Variants in WDR70 observed in about 807,000 individuals in gnomAD.
WDR70 encodes the protein WD repeat-containing protein 70.
Under a neutral mutation model 88.6 loss-of-function variants are expected in WDR70, and 53 were observed. That is an observed-to-expected ratio of 0.60 (90% confidence interval 0.48 to 0.75). The LOEUF is 0.75. WDR70 is among the 30% of genes least tolerant of loss of function. The pLI is 0.00. For missense variants in WDR70, 610 were observed against 823.2 expected, an observed-to-expected ratio of 0.74 and a Z score of 3.17; for synonymous variants, 280 against 270.0, an observed-to-expected ratio of 1.04 and a Z score of -0.36.
At chr5:37,448,357 G>A (rs548207770) in intron 7 of WDR70, among the ~76,000 whole-genome samples, 14 of 152,160 alleles carry the variant, frequency 9.2e-5, no homozygotes, top group African/African-American at 2.2e-4. Flanking sequence ...CGAGTAGCCC[G>A]TCTTTCTTTT....
intron 9 of WDR70, among the ~76,000 whole-genome samples, chr5:37,536,716 A>G (rs1445349753): frequency 6.6e-6 from 1 of 151,956 alleles, no homozygotes; most frequent in Non-Finnish European, 1.5e-5. Flanking sequence ...TTATTAATAT[A>G]TTTTCTGATG....
intron 13 of WDR70, among the ~76,000 whole-genome samples, chr5:37,715,738 C>G (rs1747635296): frequency 6.6e-6 from 1 of 152,130 alleles, no homozygotes; most frequent in South Asian, 2.1e-4. Flanking sequence ...TTCCCTGGCC[C>G]AATATTTTAA....
chr5:37,462,669 C>A (rs990696414), intron 7 of WDR70, among the ~76,000 whole-genome samples: 1 of 151,958 alleles, frequency 6.6e-6, no homozygotes, highest in Non-Finnish European at 1.5e-5. Context: ...TAAACATATA[C>A]TAACTTGTAG....
At chr5:37,502,426 G>A (rs1210161256) in intron 8 of WDR70, among the ~76,000 whole-genome samples, 10 of 151,966 alleles carry the variant, frequency 6.6e-5, no homozygotes, top group South Asian at 2.1e-4. Context: ...TGGATTTGTC[G>A]TATATGGCTT....
intron 10 of WDR70, among the ~76,000 whole-genome samples, chr5:37,654,630 T>C (rs528921863): frequency 6.6e-6 from 1 of 152,314 alleles, no homozygotes; most frequent in South Asian, 2.1e-4. Flanking sequence ...GGTGCTCCTG[T>C]ATTGGGCACA....
At chr5:37,380,857 C>T (rs1748404442) in intron 2 of WDR70, among the ~76,000 whole-genome samples, 1 of 152,104 alleles carries the variant, frequency 6.6e-6, no homozygotes, top group African/African-American at 2.4e-5. Context: ...CCATGTTGCC[C>T]AGGCTGATCA....
intron 10 of WDR70, among the ~76,000 whole-genome samples, chr5:37,627,351 C>T (rs766444640): frequency 1.3e-4 from 20 of 152,144 alleles, no homozygotes; most frequent in Non-Finnish European, 1.8e-4. Flanking sequence ...TCAAATGATC[C>T]TCCAACCTTG....
At chr5:37,603,825 A>G (rs1409462197) in intron 9 of WDR70, among the ~76,000 whole-genome samples, 3 of 152,206 alleles carry the variant, frequency 2.0e-5, no homozygotes, top group Non-Finnish European at 4.4e-5. Flanking sequence ...TATGATAGCA[A>G]TTGCTTTAGA....
chr5:37,660,697 T>C (rs1745677589), intron 10 of WDR70, among the ~76,000 whole-genome samples: 1 of 152,156 alleles, frequency 6.6e-6, no homozygotes, highest in Non-Finnish European at 1.5e-5. Flanking sequence ...AAGTTTTTTA[T>C]AGATGTCTGT....
chr5:37,557,502 C>G (rs1269152065), intron 9 of WDR70, among the ~76,000 whole-genome samples: 2 of 152,188 alleles, frequency 1.3e-5, no homozygotes, highest in Non-Finnish European at 2.9e-5. Flanking sequence ...TTTGTATTAA[C>G]TCATATGACT....
At chr5:37,471,381 A>G (rs1425272698) in intron 7 of WDR70, among the ~76,000 whole-genome samples, 1 of 151,464 alleles carries the variant, frequency 6.6e-6, no homozygotes, top group Non-Finnish European at 1.5e-5. Context: ...AGATTAGACA[A>G]CTTCTCATAA....
At chr5:37,383,249 A>G (rs952002336) in intron 3 of WDR70, among the ~76,000 whole-genome samples, 2 of 152,042 alleles carry the variant, frequency 1.3e-5, no homozygotes. Context: ...CTATTTTTTG[A>G]AAAAAACCTT....
chr5:37,722,970 T>A, intron 15 of WDR70, 36 bp downstream of exon 15: 1 of 1,606,090 alleles, frequency 6.2e-7, no homozygotes, highest in South Asian at 1.1e-5. Context: ...CATGCATCTC[T>A]CTTCTACTCT....
intron 5 of WDR70, among the ~76,000 whole-genome samples, chr5:37,413,854 T>C (rs1749603474): frequency 6.6e-6 from 1 of 151,140 alleles, no homozygotes; most frequent in Non-Finnish European, 1.5e-5. Context: ...TGAAAATATA[T>C]ATCAGATCTT....
intron 10 of WDR70, among the ~76,000 whole-genome samples, chr5:37,611,759 T>G (rs1057029741): frequency 6.6e-6 from 1 of 150,828 alleles, no homozygotes; most frequent in Non-Finnish European, 1.5e-5. Flanking sequence ...AAATTTTCCT[T>G]TGAGATTATT....
intron 12 of WDR70, among the ~76,000 whole-genome samples, chr5:37,702,604 G>GT (rs1278467928): frequency 2.0e-5 from 3 of 152,104 alleles, no homozygotes; most frequent in African/African-American, 4.8e-5. Flanking sequence ...TCTATATTGA[G>GT]TCTTTTTATA....
chr5:37,388,386 G>A lies in WDR70; in HGVS notation c.176-3614G>A, dbSNP rs567516479. 4.7e-3 allele frequency among the ~76,000 whole-genome samples: 706 copies of A among 149,306 alleles called. 7 individuals are homozygous for A. The highest frequency in any genetic ancestry group is 7.1e-3 in the Middle Eastern group (2 of 282). ...CTGCCGCAGCCTCCCAAAGTGTTGGGATTACAGGCGTGAGCCACCACGCCC... is the reference window on the plus strand; with the variant it reads ...CTGCCGCAGCCTCCCAAAGTGTTGGAATTACAGGCGTGAGCCACCACGCCC... On this transcript the variant is annotated intron_variant, in intron 3 of 17. Coordinates refer to ENST00000265107, the MANE Select transcript of WDR70 (RefSeq NM_018034.4).
chr5:37,460,536 G>C (rs1279008344), intron 7 of WDR70, among the ~76,000 whole-genome samples: 1 of 70,928 alleles, frequency 1.4e-5, no homozygotes, highest in African/African-American at 4.3e-5. Flanking sequence ...TCTGGGGACT[G>C]TGGTGAGGTC....
intron 17 of WDR70, among the ~76,000 whole-genome samples, chr5:37,748,022 A>T (rs1748685156): frequency 6.6e-6 from 1 of 152,244 alleles, no homozygotes; most frequent in South Asian, 2.1e-4. Context: ...TTCAATCCTC[A>T]TGAATAGGAA....
Sources: gnomAD v4.1 joint callset for allele counts (sites outside exome capture counted in the v4.1 genomes callset) on GRCh38, gnomAD v4.1.1 for gene constraint, MANE v1.5 for transcripts, NCBI Gene and HGNC (gene_info 2026-07-23, HGNC 2026-07-21) for gene names.